FRAS1: variants seen among roughly 807,000 people sequenced by gnomAD.
The protein encoded by FRAS1 is extracellular matrix organizing protein FRAS1.
Under a neutral mutation model 435.2 loss-of-function variants are expected in FRAS1, and 290 were observed. The ratio of observed to expected loss-of-function variants is 0.67; its 90% CI spans 0.61 to 0.73. The LOEUF (loss-of-function observed/expected upper bound fraction) is 0.73. Ranked by LOEUF, FRAS1 falls within the 30% of genes least tolerant of loss-of-function variation. The pLI is 0.00. For missense variants in FRAS1, 4,860 were observed against 5,001.5 expected (o/e 0.97, Z 0.85); for synonymous variants, 1,800 against 1,851.0 (o/e 0.97, Z 0.71).
chr4:78,072,112 T>C (rs1224189801), intron 2 of FRAS1: 1 of 152,090 alleles, frequency 6.6e-6, no homozygotes, highest in East Asian at 1.9e-4. Context: ...AAAATTACAG[T>C]TAATTGTACA....
chr4:78,220,392 G>A (rs1241677407), intron 2 of FRAS1, among the ~76,000 whole-genome samples: 1 of 152,186 alleles, frequency 6.6e-6, no homozygotes, highest in African/African-American at 2.4e-5. Flanking sequence ...TAGACCTGCT[G>A]ATTTATTTAC....
At chr4:78,307,127 T>A (rs1024710175) in intron 14 of FRAS1, among the ~76,000 whole-genome samples, 3 of 152,184 alleles carry the variant, frequency 2.0e-5, no homozygotes, top group Non-Finnish European at 4.4e-5. Context: ...CCCGGCACTG[T>A]GAGGTGTCAG....
At chr4:78,424,775 A>T (rs906305493) in intron 35 of FRAS1, among the ~76,000 whole-genome samples, 1 of 150,902 alleles carries the variant, frequency 6.6e-6, no homozygotes, top group African/African-American at 2.5e-5. Context: ...GACCTTGTCT[A>T]TAAAAAAAAA....
intron 2 of FRAS1, among the ~76,000 whole-genome samples, chr4:78,126,595 T>C (rs1425866812): frequency 6.6e-6 from 1 of 152,248 alleles, no homozygotes; most frequent in Non-Finnish European, 1.5e-5. Context: ...AAATTCTTGA[T>C]ATTCTTTGTA....
At chr4:78,247,901 A>G (rs1725321100) in intron 4 of FRAS1, among the ~76,000 whole-genome samples, 1 of 152,070 alleles carries the variant, frequency 6.6e-6, no homozygotes, top group African/African-American at 2.4e-5. Context: ...TTTAGGATAG[A>G]TTCGGTGTGG....
chr4:78,346,342 G>T (rs899562602), intron 20 of FRAS1, among the ~76,000 whole-genome samples: 5 of 152,206 alleles, frequency 3.3e-5, no homozygotes, highest in Admixed American at 1.3e-4. Flanking sequence ...AGCACAGGAA[G>T]TTGGTCCTGT....
At chr4:78,156,564 T>C (rs1166329223) in intron 2 of FRAS1, among the ~76,000 whole-genome samples, 1 of 152,162 alleles carries the variant, frequency 6.6e-6, no homozygotes, top group Non-Finnish European at 1.5e-5. Context: ...TTATTTTAGT[T>C]GTGAGTACTC....
At chr4:78,490,753 C>A (rs1351619893) in intron 59 of FRAS1, among the ~76,000 whole-genome samples, 1 of 151,906 alleles carries the variant, frequency 6.6e-6, no homozygotes, top group Non-Finnish European at 1.5e-5. Flanking sequence ...ACTAGAGAAG[C>A]AAGAGCAAAC....
At position 78,310,887 on chromosome 4, in the gene FRAS1, A is replaced by G. The variant is rs77188196; in HGVS notation, c.1678+2678A>G. 1.3e-3 allele frequency among the ~76,000 whole-genome samples: 198 copies of G among 152,340 alleles called. No homozygotes were observed. The highest frequency in any genetic ancestry group is 4.5e-3 in the African/African-American group (187 of 41,588). ...TTATAACCTACCAGCCTGTATCTGT[A>G]GAAATCTCAAAGTCAAGTACTTAGA... is the stretch of plus-strand genomic sequence containing the variant. On this transcript the variant is annotated intron_variant, in intron 15 of 73. Coordinates refer to ENST00000512123, the MANE Select transcript of FRAS1 (RefSeq NM_025074.7).
chr4:78,061,453 A>T (rs1214842434), intron 1 of FRAS1, among the ~76,000 whole-genome samples: 1 of 152,164 alleles, frequency 6.6e-6, no homozygotes, highest in Non-Finnish European at 1.5e-5. Flanking sequence ...ATTGGAGGTT[A>T]AGAGAATTGA....
chr4:78,371,083 G>GGTTTTTTTTTTTTTTTTTTTTTTT (rs1456015210), intron 23 of FRAS1, among the ~76,000 whole-genome samples: 2 of 127,402 alleles, frequency 1.6e-5, no homozygotes, highest in African/African-American at 3.2e-5. Flanking sequence ...TTTTTTTTCT[G>GGTTTTTTTTTTTTTTTTTTTTTTT]TTTTTTTGTT....
In FRAS1 at chr4:78,473,594, C is replaced by G. The variant is rs746273836; in HGVS notation, c.7679C>G (p.Thr2560Ser). ...IQWSLISFKY[T>S]SYNVSEKAGS... is the part of the protein sequence containing the mutation. Reference sequence around the variant, plus strand: ...TGGTCACTCATCAGCTTTAAATATACCAGGTACAAGTTTTACTGTGCTTTC... The same window carrying G: ...TGGTCACTCATCAGCTTTAAATATAGCAGGTACAAGTTTTACTGTGCTTTC... Residue 2560 changes from threonine to serine, a missense_variant, in exon 53 of 74, where the codon ACC (threonine) becomes AGC (serine). Physicochemically the swap from Thr to Ser is moderately conservative, Grantham distance 58. Coordinates refer to ENST00000512123, the MANE Select transcript of FRAS1 (RefSeq NM_025074.7). The G allele has an allele frequency of 1.3e-6, 2 of 1,583,920 alleles. No homozygotes were observed. The highest frequency in any genetic ancestry group is 1.2e-5 in the South Asian group (1 of 85,142).
intron 69 of FRAS1, among the ~76,000 whole-genome samples, chr4:78,523,653 T>TA (rs1225329103): frequency 6.6e-6 from 1 of 152,246 alleles, no homozygotes; most frequent in Non-Finnish European, 1.5e-5. Context: ...AATTTTTTCT[T>TA]AACTTAAAAT....
intron 32 of FRAS1, among the ~76,000 whole-genome samples, chr4:78,414,205 A>T (rs760047162): frequency 2.1e-4 from 32 of 152,264 alleles, no homozygotes; most frequent in South Asian, 4.1e-4. Context: ...GTAATTCATC[A>T]TTCTGACTGG....
intron 2 of FRAS1, among the ~76,000 whole-genome samples, chr4:78,211,126 A>G (rs1723485227): frequency 6.6e-6 from 1 of 152,170 alleles, no homozygotes; most frequent in Non-Finnish European, 1.5e-5. Flanking sequence ...ATAACTAATA[A>G]ATATTTATAG....
rs1390437324 is a variant in FRAS1 at position 78,508,896 on chromosome 4, A to C, written c.9670A>C (p.Thr3224Pro). Residue 3224 changes from threonine (T) to proline (P), a missense_variant, in exon 63 of 74, where the codon ACA (threonine) becomes CCA (proline). Coordinates refer to ENST00000512123, the MANE Select transcript of FRAS1 (RefSeq NM_025074.7). Reference protein sequence around the residue: ...ERCSEAGINQTSVQFSWEVAA... With the variant: ...ERCSEAGINQPSVQFSWEVAA... ...CTGCAGTGAGGCCGGCATCAACCAG[A>C]CATCTGTGCAGTTCAGCTGGGAAGT... The C allele has an allele frequency of 1.2e-6, 2 of 1,613,782 alleles. No individual in the cohort carries two copies. The highest frequency in any genetic ancestry group is 1.7e-6 in the Non-Finnish European group (2 of 1,179,892).
At position 78,242,038 on chromosome 4, in the gene FRAS1, T is replaced by C. The variant is rs147053616; in HGVS notation, c.217-3195T>C. 2.5e-3 allele frequency among the ~76,000 whole-genome samples: 379 copies of C among 152,238 alleles called. 2 individuals are homozygous for C. Among genetic ancestry groups the C allele is most frequent in the African/African-American group, 8.7e-3 (361 of 41,530 alleles). ...TTCCTTATCTGTAAAATGAGAGGCTTGTACCAGATGATCCAACCATAAGAA... is the reference window on the plus strand; with the variant it reads ...TTCCTTATCTGTAAAATGAGAGGCTCGTACCAGATGATCCAACCATAAGAA... On this transcript the variant is annotated intron_variant, in intron 3 of 73. Coordinates refer to ENST00000512123, the MANE Select transcript of FRAS1 (RefSeq NM_025074.7).
intron 58 of FRAS1, among the ~76,000 whole-genome samples, chr4:78,488,480 T>C (rs1311619669): frequency 6.6e-6 from 1 of 152,200 alleles, no homozygotes; most frequent in Non-Finnish European, 1.5e-5. Context: ...TTCCTTACTG[T>C]AGCCCTAGGA....
chr4:78,091,816 T>C (rs4410553), intron 2 of FRAS1, among the ~76,000 whole-genome samples: 42,406 of 151,288 alleles, frequency 0.28, 6,259 homozygotes, highest in African/African-American at 0.35. Context: ...CACCACCACA[T>C]TTGACCAAAT....
Sources: allele counts gnomAD v4.1 joint callset (sites outside exome capture counted in the v4.1 genomes callset), GRCh38; gene constraint gnomAD v4.1.1; transcripts MANE v1.5; gene names NCBI Gene and HGNC (gene_info 2026-07-23, HGNC 2026-07-21).